The following ITGA8 variants were observed in gnomAD, a reference collection of about 807,000 sequenced individuals.
The protein encoded by ITGA8 is integrin alpha-8.
Under a neutral mutation model 142.3 loss-of-function variants are expected in ITGA8, and 91 were observed. The observed-to-expected ratio is 0.64, with a 90% CI of 0.54 to 0.76. The LOEUF is 0.76. Among genes scored for constraint, ITGA8 ranks in the 30% least tolerant of loss-of-function variants. ITGA8 has a pLI of 0.00. For missense variants in ITGA8, 1,406 were observed against 1,327.7 expected (o/e 1.06, Z -0.92); for synonymous variants, 505 against 485.2 (o/e 1.04, Z -0.54).
chr10:15,712,719 C>T (rs1835384746), intron 2 of ITGA8, among the ~76,000 whole-genome samples: 1 of 152,212 alleles, frequency 6.6e-6, no homozygotes, highest in Non-Finnish European at 1.5e-5. Context: ...TCCATCAATG[C>T]AATTCCCAGA....
chr10:15,520,400 G>A (rs1022812965), intron 28 of ITGA8, among the ~76,000 whole-genome samples: 3 of 152,204 alleles, frequency 2.0e-5, no homozygotes, highest in Non-Finnish European at 4.4e-5. Flanking sequence ...GCAACAGGGT[G>A]ACACTCTTCT....
chr10:15,690,985 C>A (rs1295673909), intron 2 of ITGA8, among the ~76,000 whole-genome samples: 1 of 152,156 alleles, frequency 6.6e-6, no homozygotes, highest in Non-Finnish European at 1.5e-5. Flanking sequence ...ACATAAGGAA[C>A]TCAACAGCAA....
chr10:15,590,321 A>G (rs1832902986), intron 22 of ITGA8, among the ~76,000 whole-genome samples: 1 of 152,238 alleles, frequency 6.6e-6, no homozygotes, highest in Admixed American at 6.5e-5. Context: ...ATGATGATCT[A>G]CAGGATGGAC....
rs186603791 is a variant in ITGA8 at position 15,643,897 on chromosome 10, A to T, written c.1399+133T>A. ...GAAAGTCGCTCTGGAATCGTACATT[A>T]AAAAAGCCTGTGGCATGCTTAAGCT... is the stretch of plus-strand genomic sequence containing the variant. On this transcript the variant is annotated intron_variant, in intron 13 of 29. Coordinates refer to ENST00000378076, the MANE Select transcript of ITGA8 (RefSeq NM_003638.3). The T allele has an allele frequency of 3.7e-4, 259 of 701,276 alleles. 2 individuals are homozygous for T. The highest frequency in any genetic ancestry group is 3.6e-3 in the African/African-American group (203 of 56,102). The allele number at this position is 701,276 out of a possible 1,614,324, so 43.4% of individuals were successfully genotyped here. A position where few individuals can be genotyped will look rare whatever the true frequency, so the allele number is the denominator to read the frequency against.
chr10:15,710,413 GC>G (rs1390268805), intron 2 of ITGA8, among the ~76,000 whole-genome samples: 2 of 152,108 alleles, frequency 1.3e-5, no homozygotes, highest in African/African-American at 2.4e-5. Flanking sequence ...TTAGTGTTGT[GC>G]CCCTTTTCTT....
intron 14 of ITGA8, among the ~76,000 whole-genome samples, chr10:15,615,426 A>G (rs972776157): frequency 2.0e-5 from 3 of 152,230 alleles, no homozygotes; most frequent in Non-Finnish European, 2.9e-5. Flanking sequence ...GGTTAGCACT[A>G]TGCACCTAGT....
chr10:15,627,902 G>C (rs940988296), intron 13 of ITGA8, among the ~76,000 whole-genome samples: 3 of 152,032 alleles, frequency 2.0e-5, no homozygotes, highest in African/African-American at 4.8e-5. Flanking sequence ...CAAAGACCTT[G>C]CTGATAAAAC....
At chr10:15,527,207 G>T (rs975626810) in intron 28 of ITGA8, among the ~76,000 whole-genome samples, 12 of 152,152 alleles carry the variant, frequency 7.9e-5, no homozygotes, top group African/African-American at 2.7e-4. Context: ...GAGACAAGCA[G>T]TTCCCATCAT....
chr10:15,536,663 T>C (rs577179788), intron 27 of ITGA8, among the ~76,000 whole-genome samples: 1 of 152,322 alleles, frequency 6.6e-6, no homozygotes, highest in South Asian at 2.1e-4. Flanking sequence ...TTGGCAACAA[T>C]GAGGACCTTC....
chr10:15,674,149 T>C (rs1282138250), intron 6 of ITGA8, among the ~76,000 whole-genome samples: 2 of 152,142 alleles, frequency 1.3e-5, no homozygotes, highest in Non-Finnish European at 2.9e-5. Context: ...GGACTTGAAA[T>C]GACTATTCTG....
chr10:15,640,957 A>T (rs958969027), intron 13 of ITGA8, among the ~76,000 whole-genome samples: 2 of 152,222 alleles, frequency 1.3e-5, no homozygotes, highest in Non-Finnish European at 2.9e-5. Flanking sequence ...ATAATAGCAG[A>T]TGATGGGTGT....
At chr10:15,582,975 C>T (rs1433666256) in intron 23 of ITGA8, among the ~76,000 whole-genome samples, 6 of 152,196 alleles carry the variant, frequency 3.9e-5, no homozygotes, top group African/African-American at 1.4e-4. Flanking sequence ...CAGCTTTATT[C>T]TTCATAGCTC....
chr10:15,522,815 C>A (rs911701398), intron 28 of ITGA8, among the ~76,000 whole-genome samples: 1 of 152,108 alleles, frequency 6.6e-6, no homozygotes, highest in Non-Finnish European at 1.5e-5. Context: ...AGTTTGAGAC[C>A]AGCCTGGCCA....
intron 28 of ITGA8, among the ~76,000 whole-genome samples, chr10:15,523,919 G>A (rs928277318): frequency 6.6e-6 from 1 of 152,062 alleles, no homozygotes; most frequent in African/African-American, 2.4e-5. Context: ...GCAACAGAGC[G>A]AGCCTCTGTC....
intron 2 of ITGA8, among the ~76,000 whole-genome samples, chr10:15,713,942 G>A (rs1835405845): frequency 6.6e-6 from 1 of 151,342 alleles, no homozygotes; most frequent in Non-Finnish European, 1.5e-5. Context: ...AAATTCTAGT[G>A]GTCTTTCTCA....
intron 2 of ITGA8, among the ~76,000 whole-genome samples, chr10:15,694,678 C>CATATATATATATATATAT (rs71374639): frequency 0.047 from 3,634 of 77,228 alleles, 211 homozygotes; most frequent in Non-Finnish European, 0.056. Flanking sequence ...TATTTGTCGA[C>CATATATATATATATATAT]ATATATATAT....
chr10:15,710,410 T>C (rs572529392), intron 2 of ITGA8, among the ~76,000 whole-genome samples: 1 of 152,368 alleles, frequency 6.6e-6, no homozygotes, highest in Admixed American at 6.5e-5. Flanking sequence ...TATTTAGTGT[T>C]GTGCCCCTTT....
chr10:15,563,144 G>C (rs1307408397), intron 25 of ITGA8, among the ~76,000 whole-genome samples: 1 of 150,938 alleles, frequency 6.6e-6, no homozygotes, highest in Non-Finnish European at 1.5e-5. Context: ...GCTCCTTCAG[G>C]CCTCCCAGAA....
At chr10:15,698,754 G>C (rs534614160) in intron 2 of ITGA8, among the ~76,000 whole-genome samples, 1 of 151,998 alleles carries the variant, frequency 6.6e-6, no homozygotes, top group African/African-American at 2.4e-5. Context: ...CTTTTTGATG[G>C]GATTGTTTTC....
Sources: gnomAD v4.1 joint callset for allele counts (sites outside exome capture counted in the v4.1 genomes callset) on GRCh38, gnomAD v4.1.1 for gene constraint, MANE v1.5 for transcripts, NCBI Gene and HGNC (gene_info 2026-07-23, HGNC 2026-07-21) for gene names.